DNAJC6: variants seen among roughly 807,000 people sequenced by gnomAD.
The protein encoded by DNAJC6 is DnaJ heat shock protein family (Hsp40) member C6.
A neutral mutation model predicts 110.0 loss-of-function variants in DNAJC6; 34 were observed. That is an observed-to-expected ratio of 0.31 (90% CI 0.24 to 0.41). DNAJC6 has a LOEUF of 0.41. Ranked by LOEUF, DNAJC6 falls within the 10% of genes least tolerant of loss-of-function variation. DNAJC6 has a pLI of 1.00. For missense variants in DNAJC6, 1,031 were observed against 1,207.8 expected, an observed-to-expected ratio of 0.85 and a Z score of 2.17; for synonymous variants, 406 against 437.2, an observed-to-expected ratio of 0.93 and a Z score of 0.89.
chr1:65,399,229 T>C (rs569292739), intron 14 of DNAJC6, among the ~76,000 whole-genome samples: 2 of 152,290 alleles, frequency 1.3e-5, no homozygotes, highest in East Asian at 3.9e-4. Flanking sequence ...GGGATAATAA[T>C]TTTGGTCCCA....
At chr1:65,303,033 C>T (rs1294486413) in intron 1 of DNAJC6, among the ~76,000 whole-genome samples, 2 of 152,132 alleles carry the variant, frequency 1.3e-5, no homozygotes, top group African/African-American at 2.4e-5. Context: ...CTAAGGCAAA[C>T]GTTGTTATAC....
At chr1:65,264,824 G>T in exon 1 of DNAJC6, 3 of 1,579,780 alleles carry the variant, frequency 1.9e-6, no homozygotes, top group South Asian at 2.3e-5. Context: ...CCCCGAGACC[G>T]CTGACTGTGA....
At chr1:65,391,194 T>A (rs1354979074) in intron 11 of DNAJC6, among the ~76,000 whole-genome samples, 1 of 152,178 alleles carries the variant, frequency 6.6e-6, no homozygotes, top group African/African-American at 2.4e-5. Flanking sequence ...TAGCCCTAAG[T>A]GAGATAAATG....
At chr1:65,380,921 G>GTTTTTTT (rs1162044500) in intron 5 of DNAJC6, among the ~76,000 whole-genome samples, 5 of 99,318 alleles carry the variant, frequency 5.0e-5, no homozygotes, top group African/African-American at 1.6e-4. Flanking sequence ...GTTTTGTTTT[G>GTTTTTTT]TTTTTTTTTT....
chr1:65,265,755 C>T (rs1653296374), intron 1 of DNAJC6, among the ~76,000 whole-genome samples: 1 of 152,280 alleles, frequency 6.6e-6, no homozygotes, highest in Admixed American at 6.5e-5. Flanking sequence ...TCCCCGATCC[C>T]GTTTCCAGGG....
intron 1 of DNAJC6, among the ~76,000 whole-genome samples, chr1:65,299,534 G>A (rs1326166166): frequency 6.6e-6 from 1 of 152,230 alleles, no homozygotes; most frequent in Non-Finnish European, 1.5e-5. Flanking sequence ...ACTGAGCTAT[G>A]TTGAAGGACA....
At chr1:65,380,810 A>T (rs1645809891) in intron 5 of DNAJC6, among the ~76,000 whole-genome samples, 1 of 152,160 alleles carries the variant, frequency 6.6e-6, no homozygotes, top group African/African-American at 2.4e-5. Flanking sequence ...GGTGCTCAAT[A>T]AGCTCACTCA....
upstream of DNAJC6, among the ~76,000 whole-genome samples, chr1:65,307,427 C>G (rs1249499075): frequency 6.6e-6 from 1 of 152,122 alleles, no homozygotes; most frequent in Non-Finnish European, 1.5e-5. Context: ...TATGTCTCAT[C>G]TATAATTTCT....
chr1:65,328,687 G>A (rs1199479258), intron 1 of DNAJC6, among the ~76,000 whole-genome samples: 1 of 152,194 alleles, frequency 6.6e-6, no homozygotes, highest in African/African-American at 2.4e-5. Context: ...CCAATGGGTC[G>A]GGCATTTATT....
chr1:65,358,226 G>T lies in DNAJC6; in HGVS notation c.194-6409G>T, dbSNP rs1159779487. 4.3e-5 allele frequency among the ~76,000 whole-genome samples: 6 copies of T among 138,466 alleles called. No homozygotes were observed. In the East Asian group the frequency reaches 1.2e-3, roughly 28 times the overall value. 90.8% of individuals were successfully genotyped at this position (138,466 alleles called of 152,430 possible). ...CAAAACCTAATGAATGTAACTTGCA[G>T]AAAATTTAGAAAATATAATCATAAA... On this transcript the variant is annotated intron_variant, in intron 1 of 18. Transcript: ENST00000371069.
rs1040860806 is a variant in DNAJC6, at chr1:65,291,462, A to G, written c.-131+26530A>G. Among the ~76,000 whole-genome samples the G allele has an allele frequency of 4.6e-5, 7 of 152,374 alleles. 1 individual carries two copies. Among genetic ancestry groups the G allele is most frequent in the Non-Finnish European group, 1.0e-4 (7 of 68,044 alleles). Reference sequence around the variant, plus strand: ...TTAGTAATGAATCTATAGCATTCCTATTATTTAACATTTTCTCCAAAGCTA... The same window carrying G: ...TTAGTAATGAATCTATAGCATTCCTGTTATTTAACATTTTCTCCAAAGCTA... On this transcript the variant is annotated intron_variant, in intron 1 of 19. Transcript: ENST00000263441.
At chr1:65,290,724 A>G (rs972388017) in intron 1 of DNAJC6, among the ~76,000 whole-genome samples, 1 of 152,206 alleles carries the variant, frequency 6.6e-6, no homozygotes, top group East Asian at 1.9e-4. Flanking sequence ...TGATAATAAT[A>G]ATATCCATCT....
At chr1:65,404,781 A>G (rs1646059727) in intron 15 of DNAJC6, among the ~76,000 whole-genome samples, 1 of 152,198 alleles carries the variant, frequency 6.6e-6, no homozygotes, top group Non-Finnish European at 1.5e-5. Context: ...CAGTAAATGA[A>G]CATGACATTT....
intron 1 of DNAJC6, among the ~76,000 whole-genome samples, chr1:65,355,398 G>T (rs565745517): frequency 6.6e-6 from 1 of 152,120 alleles, no homozygotes; most frequent in Non-Finnish European, 1.5e-5. Flanking sequence ...TTCCTATGTG[G>T]CCTGAAACGA....
chr1:65,382,647 G>T (rs1217499831), intron 5 of DNAJC6, among the ~76,000 whole-genome samples: 2 of 152,202 alleles, frequency 1.3e-5, no homozygotes, highest in East Asian at 3.8e-4. Context: ...AGGGGTTTTA[G>T]TGGATAGAGA....
chr1:65,352,510 A>T (rs1645501275), intron 1 of DNAJC6, among the ~76,000 whole-genome samples: 1 of 152,202 alleles, frequency 6.6e-6, no homozygotes, highest in Non-Finnish European at 1.5e-5. Context: ...TTATCTGAAA[A>T]ATAAGAGCAA....
chr1:65,413,255 C>T lies in DNAJC6; in HGVS notation c.*230C>T. ...TGAGAGGAACTTCTAGTCAGATGAC[C>T]TTGCAGAACCACCGCATTCCACCCT... On this transcript the variant is annotated 3_prime_UTR_variant, in exon 19 of 19. Transcript: ENST00000371069. The T allele has an allele frequency of 4.5e-6, 2 of 447,382 alleles. No individual in the cohort carries two copies. The highest frequency in any genetic ancestry group is 5.1e-5 in the South Asian group (2 of 39,102). 27.7% of individuals were successfully genotyped at this position (447,382 alleles called of 1,614,324 possible). A position where few individuals can be genotyped will look rare whatever the true frequency, so the allele number is the denominator to read the frequency against.
rs148706430 is a variant in DNAJC6, at chr1:65,392,122, G to A, written c.1469-309G>A. 4.4e-3 allele frequency among the ~76,000 whole-genome samples: 665 copies of A among 152,222 alleles called. 1 individual carries two copies. Among genetic ancestry groups the A allele is most frequent in the Non-Finnish European group, 6.5e-3 (442 of 68,020 alleles). ...CCACTTTGCTGAGGAGGAAACCAAG[G>A]CACAGAGAAGTAAAGTAACTTGCCC... On this transcript the variant is annotated intron_variant, in intron 11 of 18. Transcript: ENST00000371069.
rs1456390271 is a variant in DNAJC6, at chr1:65,398,890, A to C, written c.2107+9A>C. Reference sequence around the variant, plus strand: ...CTGGCATGCTAAACCAGGTAAAAGCAGGTTATTTTCTGTACACATTTATAT... The same window carrying C: ...CTGGCATGCTAAACCAGGTAAAAGCCGGTTATTTTCTGTACACATTTATAT... On this transcript the variant is annotated intron_variant, in intron 14 of 18. Transcript: ENST00000371069. 4.3e-6 allele frequency: 7 copies of C among 1,613,752 alleles called. No homozygotes were observed. Among genetic ancestry groups the C allele is most frequent in the Non-Finnish European group, 5.9e-6 (7 of 1,179,848 alleles).
Sources: allele counts gnomAD v4.1 joint callset (sites outside exome capture counted in the v4.1 genomes callset), GRCh38; gene constraint gnomAD v4.1.1; transcripts MANE v1.5; gene names NCBI Gene and HGNC (gene_info 2026-07-23, HGNC 2026-07-21).